KCNB2: variants seen among roughly 807,000 people sequenced by gnomAD.
KCNB2 encodes delayed rectifier potassium channel protein.
A neutral mutation model predicts 61.5 loss-of-function variants in KCNB2; 15 were observed. The ratio of observed to expected loss-of-function variants is 0.24; its 90% CI spans 0.16 to 0.38. KCNB2 has a LOEUF of 0.38. KCNB2 is among the 10% of genes least tolerant of loss of function. KCNB2 has a pLI of 1.00. For missense variants in KCNB2, 828 were observed against 1,125.2 expected (o/e 0.74, Z 3.78); for synonymous variants, 457 against 446.0 (o/e 1.02, Z -0.31).
intron 2 of KCNB2, among the ~76,000 whole-genome samples, chr8:72,729,449 G>C (rs1286132992): frequency 6.6e-6 from 1 of 152,196 alleles, no homozygotes. Flanking sequence ...GAAATCTGCA[G>C]TAAATTGTCA....
chr8:72,724,400 TAAAG>T (rs1431758566), intron 2 of KCNB2, among the ~76,000 whole-genome samples: 2 of 152,216 alleles, frequency 1.3e-5, no homozygotes, highest in Non-Finnish European at 2.9e-5. Flanking sequence ...AAAGTGAAGA[TAAAG>T]AAAGCAAGCC....
chr8:72,550,006 A>G (rs1455441850), intron 1 of KCNB2, among the ~76,000 whole-genome samples: 1 of 152,096 alleles, frequency 6.6e-6, no homozygotes, highest in Non-Finnish European at 1.5e-5. Context: ...GGTACCAGCC[A>G]TTTTCTGGAC....
chr8:72,719,539 C>T (rs1017016820), intron 2 of KCNB2, among the ~76,000 whole-genome samples: 1 of 151,952 alleles, frequency 6.6e-6, no homozygotes, highest in Non-Finnish European at 1.5e-5. Flanking sequence ...AAGTGGCTAG[C>T]GTTTTCATAT....
At chr8:72,777,405 C>T (rs1808673949) in intron 2 of KCNB2, among the ~76,000 whole-genome samples, 1 of 152,068 alleles carries the variant, frequency 6.6e-6, no homozygotes, top group Admixed American at 6.6e-5. Flanking sequence ...ATGATAGAGA[C>T]TGTGAGAGGA....
At chr8:72,926,958 T>C (rs1227353492) in intron 2 of KCNB2, among the ~76,000 whole-genome samples, 1 of 152,232 alleles carries the variant, frequency 6.6e-6, no homozygotes, top group Admixed American at 6.5e-5. Flanking sequence ...TTTTACTCCT[T>C]ACGGCAGCAT....
At chr8:72,796,574 G>A (rs1331629904) in intron 2 of KCNB2, among the ~76,000 whole-genome samples, 2 of 151,808 alleles carry the variant, frequency 1.3e-5, no homozygotes, top group African/African-American at 4.8e-5. Context: ...TGGTGCTGTG[G>A]GAGAATTTAG....
At chr8:72,718,298 G>C (rs1029955676) in intron 2 of KCNB2, among the ~76,000 whole-genome samples, 3 of 152,170 alleles carry the variant, frequency 2.0e-5, no homozygotes, top group Non-Finnish European at 4.4e-5. Flanking sequence ...ATTTGACCCA[G>C]CCATCCCATT....
chr8:72,798,227 A>G (rs1809062467), intron 2 of KCNB2, among the ~76,000 whole-genome samples: 1 of 152,126 alleles, frequency 6.6e-6, no homozygotes, highest in Non-Finnish European at 1.5e-5. Flanking sequence ...ACCCATAGGA[A>G]CTTTCCTGTT....
chr8:72,867,086 G>A (rs533285568), intron 2 of KCNB2, among the ~76,000 whole-genome samples: 24 of 152,212 alleles, frequency 1.6e-4, no homozygotes, highest in Non-Finnish European at 3.5e-4. Context: ...TATAGTAGGA[G>A]TTTAATAAAT....
At chr8:72,867,507 A>G (rs1805547587) in intron 2 of KCNB2, among the ~76,000 whole-genome samples, 1 of 152,242 alleles carries the variant, frequency 6.6e-6, no homozygotes, top group Non-Finnish European at 1.5e-5. Flanking sequence ...AAAACAAAGC[A>G]GTGGGCCAGA....
In KCNB2 at chr8:72,936,698, G is replaced by T. The variant is rs1806908866; in HGVS notation, c.1343G>T (p.Ser448Ile). ...CTTGAGCGGGCCAAAAGGAACGGAA[G>T]CATCGTTTCTATGAACTTAAAAGAT... Reference protein sequence around the residue: ...EALERAKRNGSIVSMNLKDAF... With the variant: ...EALERAKRNGIIVSMNLKDAF... The change falls in exon 3 of 3, where the codon AGC (serine) becomes ATC (isoleucine). Residue 448 changes from serine to isoleucine, a missense_variant. Physicochemically the swap from Ser to Ile is moderately radical, Grantham distance 142 (BLOSUM62 -2). Transcript: ENST00000523207. This position sits in a 1 kb window ranked among gnomAD's most constrained non-coding sequence, Gnocchi z 5.6. 6.2e-7 allele frequency: 1 copy of T among 1,614,066 alleles called. No homozygotes were observed. The highest frequency in any genetic ancestry group is 8.5e-7 in the Non-Finnish European group (1 of 1,180,046).
At chr8:72,638,418 G>A (rs953615715) in intron 2 of KCNB2, among the ~76,000 whole-genome samples, 3 of 152,198 alleles carry the variant, frequency 2.0e-5, no homozygotes, top group Middle Eastern at 3.4e-3. Flanking sequence ...TGACCACCGG[G>A]CTTCCTAAGT....
intron 2 of KCNB2, among the ~76,000 whole-genome samples, chr8:72,574,093 C>T (rs1806759810): frequency 1.3e-5 from 2 of 152,224 alleles, no homozygotes. Flanking sequence ...TGAAGACTAA[C>T]AGGTCATAAA....
At chr8:72,576,335 C>T (rs1295974811) in intron 2 of KCNB2, among the ~76,000 whole-genome samples, 2 of 152,132 alleles carry the variant, frequency 1.3e-5, no homozygotes, top group Admixed American at 1.3e-4. Context: ...CTTAGCTGGT[C>T]ACCCAATGCT....
At chr8:72,572,604 GAC>G (rs140857657) in intron 2 of KCNB2, among the ~76,000 whole-genome samples, 2 of 149,080 alleles carry the variant, frequency 1.3e-5, no homozygotes, top group East Asian at 2.0e-4. Flanking sequence ...GACACACACA[GAC>G]ACACACACAC....
chr8:72,555,032 A>G (rs1442749725), intron 1 of KCNB2, among the ~76,000 whole-genome samples: 1 of 152,044 alleles, frequency 6.6e-6, no homozygotes, highest in Non-Finnish European at 1.5e-5. Flanking sequence ...AGAATCCTTC[A>G]ATTCAAGGAA....
intron 2 of KCNB2, among the ~76,000 whole-genome samples, chr8:72,762,835 T>C (rs2128996572): frequency 6.7e-6 from 1 of 150,278 alleles, no homozygotes; most frequent in South Asian, 2.1e-4. Context: ...TGTTTCCTAG[T>C]AGCTAAGGAA....
intron 2 of KCNB2, among the ~76,000 whole-genome samples, chr8:72,569,078 G>A (rs192013743): frequency 9.5e-4 from 144 of 152,188 alleles, no homozygotes; most frequent in Admixed American, 4.2e-3. Flanking sequence ...ATTCAACTGC[G>A]TGATTCTGTT....
chr8:72,653,130 C>G (rs1178037025), intron 2 of KCNB2, among the ~76,000 whole-genome samples: 2 of 152,072 alleles, frequency 1.3e-5, no homozygotes, highest in Non-Finnish European at 2.9e-5. Flanking sequence ...GATTTAGGGA[C>G]TAATAAATTC....
Sources: gnomAD v4.1 joint callset for allele counts (sites outside exome capture counted in the v4.1 genomes callset) on GRCh38, gnomAD v4.1.1 for gene constraint, Gnocchi (gnomAD v3.1) non-coding constraint, MANE v1.5 for transcripts, NCBI Gene and HGNC (gene_info 2026-07-23, HGNC 2026-07-21) for gene names.